MOSPD2: variants seen among roughly 807,000 people sequenced by gnomAD.
MOSPD2 encodes motile sperm domain containing 2, also known as motile sperm domain-containing protein 2.
In MOSPD2, 5 loss-of-function variants were observed where a neutral mutation model predicts 41.7. That is an observed-to-expected ratio of 0.12 (90% CI 0.06 to 0.25). The LOEUF (loss-of-function observed/expected upper bound fraction) is 0.25, where lower values mean the gene tolerates loss of function less well. Ranked by LOEUF, MOSPD2 falls within the 10% of genes least tolerant of loss-of-function variation. MOSPD2 has a pLI of 1.00. For missense variants in MOSPD2, 282 were observed against 375.2 expected (o/e 0.75, Z 2.05); for synonymous variants, 115 against 126.9 (o/e 0.91, Z 0.63).
At chrX:14,894,103 GTTTTC>G (rs951175563) in intron 3 of MOSPD2, among the ~76,000 whole-genome samples, 4 of 110,717 alleles carry the variant, frequency 3.6e-5, no homozygotes, top group Non-Finnish European at 7.6e-5. Context: ...CACATTTTTT[GTTTTC>G]TTTTCTTATC....
At chrX:14,895,270 T>C (rs781431224) in intron 3 of MOSPD2, 38 bp from the exon 4 acceptor site, 41 of 813,738 alleles carry the variant, frequency 5.0e-5, no homozygotes, top group Non-Finnish European at 6.1e-5. Flanking sequence ...TTTAAACCCC[T>C]AAATTACAAC....
chrX:14,891,272 A>G (rs1474578725), intron 2 of MOSPD2, among the ~76,000 whole-genome samples: 1 of 112,104 alleles, frequency 8.9e-6, no homozygotes, highest in Non-Finnish European at 1.9e-5. Context: ...TTGGATGTGC[A>G]GAGACAAGGA....
At chrX:14,906,863 A>C in intron 7 of MOSPD2, among the ~76,000 whole-genome samples, 1 of 111,243 alleles carries the variant, frequency 9.0e-6, no homozygotes, top group Non-Finnish European at 1.9e-5. Flanking sequence ...CATCTTGACT[A>C]AAAATAGAAA....
chrX:14,876,751 G>A (rs1376168310), intron 2 of MOSPD2, among the ~76,000 whole-genome samples: 1 of 111,670 alleles, frequency 9.0e-6, no homozygotes, highest in African/African-American at 3.3e-5. Context: ...GAAGGGTAGA[G>A]CCCCTTCTGA....
At chrX:14,910,202 C>T (rs958558652) in intron 8 of MOSPD2, among the ~76,000 whole-genome samples, 2 of 109,605 alleles carry the variant, frequency 1.8e-5, no homozygotes, top group Non-Finnish European at 3.8e-5. Context: ...AAATACAATA[C>T]CAGAGATTGA....
At chrX:14,909,597 C>T (rs1197103522) in intron 8 of MOSPD2, among the ~76,000 whole-genome samples, 1 of 111,639 alleles carries the variant, frequency 9.0e-6, no homozygotes, top group Non-Finnish European at 1.9e-5. Context: ...TAAGCATATA[C>T]TATCCAGATT....
intron 3 of MOSPD2, chrX:14,893,329 CT>C (rs2092557323): frequency 8.9e-6 from 1 of 112,442 alleles, no homozygotes; most frequent in Admixed American, 9.4e-5. Context: ...AAAATGCAAG[CT>C]TATCCCCAAG....
At chrX:14,909,448 T>C (rs1250318766) in intron 8 of MOSPD2, among the ~76,000 whole-genome samples, 1 of 111,774 alleles carries the variant, frequency 8.9e-6, no homozygotes, top group Non-Finnish European at 1.9e-5. Flanking sequence ...AATCAATATG[T>C]AGCAGGCTCT....
Position 14,908,153 on chromosome X carries a change from A to G in MOSPD2, c.578-707A>G, listed in dbSNP as rs539192403. Among the ~76,000 whole-genome samples, 11 of 111,969 alleles carry G rather than the reference A, an allele frequency of 9.8e-5. No homozygotes were observed. In the South Asian group the frequency reaches 4.1e-3, roughly 42 times the overall value. On this transcript the variant is annotated intron_variant, in intron 7 of 14. Transcript: ENST00000380492. ...AATGAGGTTTAAAAATTAAGCATAA[A>G]TAAGAAATGACATGACAGAACAAGA...
chrX:14,905,107 A>G (rs1168687597), intron 7 of MOSPD2, among the ~76,000 whole-genome samples: 4 of 111,404 alleles, frequency 3.6e-5, no homozygotes, highest in Non-Finnish European at 7.5e-5. Flanking sequence ...ACCTGTTTAT[A>G]AAGGGCATAT....
At chrX:14,898,318 G>A (rs951416841) in intron 5 of MOSPD2, among the ~76,000 whole-genome samples, 2 of 110,874 alleles carry the variant, frequency 1.8e-5, no homozygotes, top group African/African-American at 3.3e-5. Context: ...TTTCTGAGAT[G>A]AAAAAAGCTG....
chrX:14,888,206 G>GCACACACA (rs775166629), intron 2 of MOSPD2, among the ~76,000 whole-genome samples: 26 of 56,751 alleles, frequency 4.6e-4, no homozygotes, highest in Non-Finnish European at 8.0e-4. Context: ...ACACACACAC[G>GCACACACA]CACACACACA....
Position 14,920,553 on chromosome X carries a change from C to T in MOSPD2, c.*744C>T. 1.3e-6 allele frequency: 1 copy of T among 753,882 alleles called. No individual in the cohort carries two copies. The highest frequency in any genetic ancestry group is 1.6e-6 in the Non-Finnish European group (1 of 639,155). The allele number at this position is 753,882 out of a possible 1,213,427, so 62.1% of individuals were successfully genotyped here. A position where few individuals can be genotyped will look rare whatever the true frequency, so the allele number is the denominator to read the frequency against. Reference sequence around the variant, plus strand: ...CCAAAAGAAAAGTCTCAAGCAGTCCCCCTATCCAGTCATTTTTATGGAGTT... The same window carrying T: ...CCAAAAGAAAAGTCTCAAGCAGTCCTCCTATCCAGTCATTTTTATGGAGTT... On this transcript the variant is annotated 3_prime_UTR_variant, in exon 15 of 15. Transcript: ENST00000380492.
At chrX:14,875,301 C>T (rs2092518038) in intron 2 of MOSPD2, among the ~76,000 whole-genome samples, 1 of 112,163 alleles carries the variant, frequency 8.9e-6, no homozygotes, top group Non-Finnish European at 1.9e-5. Context: ...CCCTTCAGTG[C>T]CTTTCCAACT....
intron 14 of MOSPD2, 113 bp downstream of exon 14, chrX:14,918,895 T>C (rs56102478): frequency 0.011 from 5,590 of 512,073 alleles, 35 homozygotes; most frequent in Middle Eastern, 0.025. Context: ...ACGATAGAAA[T>C]ACTGTCTTCT....
In MOSPD2 at chrX:14,920,455, T is replaced by C; in HGVS notation, c.*646T>C. On this transcript the variant is annotated 3_prime_UTR_variant, in exon 15 of 15. Coordinates refer to ENST00000380492, the MANE Select transcript of MOSPD2 (RefSeq NM_152581.4). ...CTTTTATTAATCTCAGGCTTTTTTATGAACACTCTCATTTCAGTAGAATTT... is the reference window on the plus strand; with the variant it reads ...CTTTTATTAATCTCAGGCTTTTTTACGAACACTCTCATTTCAGTAGAATTT... 1 of 754,507 alleles carries C rather than the reference T, an allele frequency of 1.3e-6. No individual in the cohort carries two copies. The highest frequency in any genetic ancestry group is 1.6e-6 in the Non-Finnish European group (1 of 639,339). The allele number at this position is 754,507 out of a possible 1,213,427, so 62.2% of individuals were successfully genotyped here. A position where few individuals can be genotyped will look rare whatever the true frequency, so the allele number is the denominator to read the frequency against.
intron 8 of MOSPD2, among the ~76,000 whole-genome samples, chrX:14,909,599 A>G (rs1480003700): frequency 8.9e-6 from 1 of 111,844 alleles, no homozygotes; most frequent in Non-Finnish European, 1.9e-5. Context: ...AGCATATACT[A>G]TCCAGATTTT....
intron 2 of MOSPD2, among the ~76,000 whole-genome samples, chrX:14,876,628 A>G (rs902798409): frequency 1.8e-5 from 2 of 111,531 alleles, no homozygotes; most frequent in Non-Finnish European, 3.8e-5. Flanking sequence ...CCTCTTTCTC[A>G]TGCCCAAGGA....
intron 2 of MOSPD2, chrX:14,885,147 A>T (rs778110315): frequency 9.0e-6 from 1 of 111,708 alleles, no homozygotes; most frequent in Non-Finnish European, 1.9e-5. Context: ...AGTACAGAAT[A>T]TATACTTTTT....
Sources: gnomAD v4.1 joint callset for allele counts (sites outside exome capture counted in the v4.1 genomes callset) on GRCh38, gnomAD v4.1.1 for gene constraint, MANE v1.5 for transcripts, NCBI Gene and HGNC (gene_info 2026-07-23, HGNC 2026-07-21) for gene names.